ABLIM3: variants seen among roughly 807,000 people sequenced by gnomAD.
ABLIM3 encodes actin binding LIM protein family member 3, also known as actin-binding LIM protein 3.
Under a neutral mutation model 109.5 loss-of-function variants are expected in ABLIM3, and 61 were observed. The ratio of observed to expected loss-of-function variants is 0.56; its 90% CI spans 0.45 to 0.69. The LOEUF (loss-of-function observed/expected upper bound fraction) is 0.69. Ranked by LOEUF, ABLIM3 falls within the 30% of genes least tolerant of loss-of-function variation. ABLIM3 has a pLI of 0.00. For missense variants in ABLIM3, 796 were observed against 889.5 expected (o/e 0.89, Z 1.34); for synonymous variants, 300 against 324.8 (o/e 0.92, Z 0.82).
chr5:149,213,357 G>C (rs2127520281), intron 7 of ABLIM3, among the ~76,000 whole-genome samples: 1 of 152,286 alleles, frequency 6.6e-6, no homozygotes, highest in Non-Finnish European at 1.5e-5. Flanking sequence ...TATGGGAAGA[G>C]AATCGGGCAT....
intron 2 of ABLIM3, among the ~76,000 whole-genome samples, chr5:149,153,422 C>A (rs1753609370): frequency 6.6e-6 from 1 of 152,190 alleles, no homozygotes; most frequent in Admixed American, 6.5e-5. Flanking sequence ...GTCTCCTACA[C>A]CAGGCATGGC....
Position 149,245,008 on chromosome 5 carries a change from C to T in ABLIM3, c.1479C>T (p.Ser493=), listed in dbSNP as rs34882633. The T allele has an allele frequency of 6.2e-7, 1 of 1,614,132 alleles. No homozygotes were observed. Among genetic ancestry groups the T allele is most frequent in the African/African-American group, 1.3e-5 (1 of 74,986 alleles). Reference sequence around the variant, plus strand: ...CTGAGTACTGGACCTACCATGGGTCCCCCAAAGGTAGTACCCCCATAGGAG... The same window carrying T: ...CTGAGTACTGGACCTACCATGGGTCTCCCAAAGGTAGTACCCCCATAGGAG... The part of the protein sequence containing the change: ...SESEYWTYHG[S]PKVPRARRFS... The change falls in exon 16 of 24, where the codon TCC becomes TCT. Residue 493 remains serine (S), a synonymous_variant. Transcript: ENST00000309868.
At chr5:149,225,982 G>GCA (rs1761204956) in intron 8 of ABLIM3, among the ~76,000 whole-genome samples, 1 of 45,512 alleles carries the variant, frequency 2.2e-5, no homozygotes, top group African/African-American at 8.5e-5. Flanking sequence ...GTGTGTGTGT[G>GCA]TATATATATA....
At chr5:149,213,992 C>T (rs1759810741) in intron 7 of ABLIM3, among the ~76,000 whole-genome samples, 1 of 151,956 alleles carries the variant, frequency 6.6e-6, no homozygotes, top group Admixed American at 6.6e-5. Context: ...CTACCGATAC[C>T]CACAGCTCTC....
chr5:149,157,302 A>G (rs1041513343), intron 2 of ABLIM3, among the ~76,000 whole-genome samples: 16 of 152,188 alleles, frequency 1.1e-4, no homozygotes, highest in African/African-American at 3.9e-4. Context: ...ATACAGGACA[A>G]TATTCCATGC....
intron 2 of ABLIM3, among the ~76,000 whole-genome samples, chr5:149,169,456 C>G (rs991041840): frequency 6.6e-6 from 1 of 152,124 alleles, no homozygotes; most frequent in Non-Finnish European, 1.5e-5. Context: ...ACCAGGGGAC[C>G]TCCCTGGTGT....
At chr5:149,256,751 AAG>A (rs1754459650) in intron 23 of ABLIM3, among the ~76,000 whole-genome samples, 1 of 150,818 alleles carries the variant, frequency 6.6e-6, no homozygotes, top group Non-Finnish European at 1.5e-5. Context: ...TAGGTAAATG[AAG>A]CAAATGTGGA....
At chr5:149,154,961 A>G (rs1753754174) in intron 2 of ABLIM3, among the ~76,000 whole-genome samples, 1 of 152,252 alleles carries the variant, frequency 6.6e-6, no homozygotes, top group Non-Finnish European at 1.5e-5. Context: ...GAGAAGAGAT[A>G]TTTGGCTCCA....
intron 7 of ABLIM3, among the ~76,000 whole-genome samples, chr5:149,211,179 T>G (rs550744850): frequency 2.6e-4 from 40 of 151,712 alleles, no homozygotes; most frequent in East Asian, 9.7e-4. Context: ...TAATTATTTA[T>G]TTTGTTTGTT....
chr5:149,248,649 C>G (rs964395339), intron 18 of ABLIM3, among the ~76,000 whole-genome samples: 1 of 145,206 alleles, frequency 6.9e-6, no homozygotes, highest in African/African-American at 2.6e-5. Flanking sequence ...GAGATTGCAC[C>G]ACTGCACTCC....
intron 10 of ABLIM3, among the ~76,000 whole-genome samples, chr5:149,235,305 GT>G (rs1206151301): frequency 6.6e-6 from 1 of 152,216 alleles, no homozygotes; most frequent in African/African-American, 2.4e-5. Context: ...TTTTAATTTA[GT>G]TTTAATAGAC....
intron 2 of ABLIM3, among the ~76,000 whole-genome samples, chr5:149,174,025 A>G: frequency 6.7e-6 from 1 of 149,094 alleles, no homozygotes; most frequent in Non-Finnish European, 1.5e-5. Context: ...CCGTCTCAAA[A>G]AAAAAAAAAA....
At position 149,246,396 on chromosome 5, in the gene ABLIM3, G is replaced by A. The variant is rs562246448; in HGVS notation, c.1487-86G>A. The A allele has an allele frequency of 6.4e-5, 80 of 1,243,056 alleles. 1 individual carries two copies. In the East Asian group the frequency reaches 2.0e-3, roughly 31 times the overall value. 77.0% of individuals were successfully genotyped at this position (1,243,056 alleles called of 1,614,324 possible). A position where few individuals can be genotyped will look rare whatever the true frequency, so the allele number is the denominator to read the frequency against. Reference sequence around the variant, plus strand: ...AATAAGATTAAAAAGAAAGAAAAGTGGCTTTTCTTTTTTAAAAAAAAAATG... The same window carrying A: ...AATAAGATTAAAAAGAAAGAAAAGTAGCTTTTCTTTTTTAAAAAAAAAATG... On this transcript the variant is annotated intron_variant, in intron 16 of 23. Coordinates refer to ENST00000309868, the MANE Select transcript of ABLIM3 (RefSeq NM_014945.5).
At chr5:149,206,073 CT>C (rs970863797) in intron 5 of ABLIM3, among the ~76,000 whole-genome samples, 8 of 152,254 alleles carry the variant, frequency 5.3e-5, no homozygotes, top group African/African-American at 1.7e-4. Context: ...CCCCATGACC[CT>C]TTCCTCCGCC....
intron 9 of ABLIM3, among the ~76,000 whole-genome samples, chr5:149,231,830 C>A (rs1379036283): frequency 6.6e-6 from 1 of 152,168 alleles, no homozygotes; most frequent in Non-Finnish European, 1.5e-5. Context: ...TACATCAAGT[C>A]ACTACTTTTT....
rs1561577608 is a variant in ABLIM3 at position 149,198,388 on chromosome 5, G to C, written c.321G>C (p.Val107=). 6.2e-7 allele frequency: 1 copy of C among 1,610,252 alleles called. No individual in the cohort carries two copies. The highest frequency in any genetic ancestry group is 8.5e-7 in the Non-Finnish European group (1 of 1,178,020). ...LGRTYHPKCF[V]CSLCRKPFPI... ...GCACTTACCACCCCAAGTGCTTCGT[G>C]TGCAGCTTGTGCAGGTGAGTGGGCG... Residue 107 remains valine (V), a synonymous_variant, in exon 4 of 24, where the codon GTG becomes GTC. Coordinates refer to ENST00000309868, the MANE Select transcript of ABLIM3 (RefSeq NM_014945.5). The surrounding 1 kb of genome is among the most constrained non-coding windows in gnomAD (Gnocchi z 4.2).
At chr5:149,252,539 T>C in intron 22 of ABLIM3, 2 of 560,728 alleles carry the variant, frequency 3.6e-6, no homozygotes, top group Non-Finnish European at 6.3e-6. Flanking sequence ...TCCAAGCTTA[T>C]TCCTAGTAGT....
At chr5:149,181,298 G>A (rs1173973593) in intron 2 of ABLIM3, among the ~76,000 whole-genome samples, 2 of 151,596 alleles carry the variant, frequency 1.3e-5, no homozygotes, top group African/African-American at 4.9e-5. Context: ...ACATTCTGGG[G>A]GGTGGGGAAG....
intron 2 of ABLIM3, among the ~76,000 whole-genome samples, chr5:149,142,950 A>G (rs1752617116): frequency 6.6e-6 from 1 of 152,016 alleles, no homozygotes; most frequent in South Asian, 2.1e-4. Context: ...AGCATCGCAT[A>G]GGGCTGTTGA....
Sources: gnomAD v4.1 joint callset for allele counts (sites outside exome capture counted in the v4.1 genomes callset) on GRCh38, gnomAD v4.1.1 for gene constraint, Gnocchi (gnomAD v3.1) non-coding constraint, MANE v1.5 for transcripts, NCBI Gene and HGNC (gene_info 2026-07-23, HGNC 2026-07-21) for gene names.